Variants in BICD1 observed in about 807,000 individuals in gnomAD.
BICD1 encodes the protein BICD cargo adaptor 1.
BICD1 carries 35 observed loss-of-function variants against 92.5 expected under a neutral mutation model. The observed-to-expected ratio is 0.38, with a 90% CI of 0.29 to 0.50. BICD1 has a LOEUF of 0.50. Ranked by LOEUF, BICD1 falls within the 20% of genes least tolerant of loss-of-function variation. BICD1 has a pLI of 0.93. For missense variants in BICD1, 950 were observed against 1,189.8 expected (o/e 0.80, Z 2.97); for synonymous variants, 429 against 465.1 (o/e 0.92, Z 1.00).
chr12:32,215,885 C>T (rs1171724783), intron 1 of BICD1, among the ~76,000 whole-genome samples: 16 of 134,146 alleles, frequency 1.2e-4, no homozygotes, highest in African/African-American at 3.3e-4. Flanking sequence ...ACCCGGGAGG[C>T]GGAGCTTGCA....
chr12:32,268,442 G>A (rs573767704), intron 2 of BICD1, among the ~76,000 whole-genome samples: 11 of 152,308 alleles, frequency 7.2e-5, no homozygotes, highest in African/African-American at 2.6e-4. Context: ...CATTGGATAA[G>A]CAACTTCATT....
intron 2 of BICD1, among the ~76,000 whole-genome samples, chr12:32,230,188 C>T (rs1358393464): frequency 6.6e-6 from 1 of 151,874 alleles, no homozygotes; most frequent in Non-Finnish European, 1.5e-5. Context: ...GGAGAGTGAA[C>T]CGTAGGAGTC....
intron 1 of BICD1, among the ~76,000 whole-genome samples, chr12:32,134,046 G>T (rs975544181): frequency 2.6e-5 from 4 of 152,150 alleles, no homozygotes; most frequent in African/African-American, 9.7e-5. Flanking sequence ...CTCCCAAAGT[G>T]CTGGGATTAC....
intron 2 of BICD1, among the ~76,000 whole-genome samples, chr12:32,243,985 T>C (rs2136087945): frequency 6.6e-6 from 1 of 152,326 alleles, no homozygotes; most frequent in Non-Finnish European, 1.5e-5. Context: ...TATTACATTC[T>C]TATCCGTATT....
rs950673071 is a variant in BICD1, at chr12:32,383,019, C to T, written c.*5392C>T. The T allele has an allele frequency of 6.8e-6, 1 of 147,206 alleles. No individual in the cohort carries two copies. The highest frequency in any genetic ancestry group is 1.5e-5 in the Non-Finnish European group (1 of 65,328). The allele number at this position is 147,206 out of a possible 1,614,324, so 9.1% of individuals were successfully genotyped here. On this transcript the variant is annotated 3_prime_UTR_variant, in exon 10 of 10. Transcript: ENST00000652176. ...ATTACTATTTGAAAATCTCTTATGA[C>T]ATTTTTATAATCTACTCTGTTTTTA...
In BICD1 at chr12:32,334,649, G is replaced by A; in HGVS notation, c.2234G>A (p.Arg745Lys). The A allele has an allele frequency of 6.2e-7, 1 of 1,611,454 alleles. No individual in the cohort carries two copies. The highest frequency in any genetic ancestry group is 8.5e-7 in the Non-Finnish European group (1 of 1,179,132). ...KEDAATFSSLRAMFATRCDEY... is the reference protein window; with the variant it reads ...KEDAATFSSLKAMFATRCDEY... ...GATGCTGCAACCTTCTCATCCCTGA[G>A]AGCAATGTTTGCAACAAGGTAACAG... is the stretch of plus-strand genomic sequence containing the variant. The change falls in exon 6 of 10, where the codon AGA (arginine) becomes AAA (lysine). Residue 745 changes from arginine (R) to lysine (K), a missense_variant. By Grantham distance (26) the Arg-to-Lys change is conservative. Around this residue, in one of 5 missense-constraint regions of BICD1, gnomAD observed 309 missense variants for 499.4 expected, o/e 0.62. Transcript: ENST00000652176.
chr12:32,348,723 A>T (rs971290916), intron 8 of BICD1, among the ~76,000 whole-genome samples: 45 of 117,962 alleles, frequency 3.8e-4, no homozygotes, highest in Admixed American at 1.8e-3. Flanking sequence ...CTCACACAAA[A>T]ATATATATAT....
chr12:32,144,953 G>T (rs935246073), intron 1 of BICD1, among the ~76,000 whole-genome samples: 4 of 152,188 alleles, frequency 2.6e-5, no homozygotes, highest in Non-Finnish European at 5.9e-5. Context: ...ATGGGTAGGG[G>T]CAAGTGCTGT....
intron 8 of BICD1, among the ~76,000 whole-genome samples, chr12:32,366,599 T>C (rs1939533259): frequency 6.6e-6 from 1 of 152,226 alleles, no homozygotes; most frequent in East Asian, 1.9e-4. Context: ...TGAGCTGAGA[T>C]TGCACCATTG....
intron 2 of BICD1, among the ~76,000 whole-genome samples, chr12:32,232,876 A>G (rs1481799890): frequency 1.3e-5 from 2 of 152,136 alleles, no homozygotes; most frequent in Admixed American, 1.3e-4. Context: ...TTATTTCTGC[A>G]TTAGACAATA....
chr12:32,361,321 C>T (rs920092770), intron 8 of BICD1, among the ~76,000 whole-genome samples: 2 of 151,996 alleles, frequency 1.3e-5, no homozygotes, highest in South Asian at 2.1e-4. Flanking sequence ...TTTCAGAGGC[C>T]GGGGCGGGTA....
At chr12:32,210,606 C>T (rs1363989835) in intron 1 of BICD1, among the ~76,000 whole-genome samples, 2 of 152,090 alleles carry the variant, frequency 1.3e-5, no homozygotes, top group African/African-American at 4.8e-5. Context: ...CAAATTTGCT[C>T]CATGCAATGG....
At chr12:32,250,772 C>T (rs557942203) in intron 2 of BICD1, among the ~76,000 whole-genome samples, 10 of 152,080 alleles carry the variant, frequency 6.6e-5, no homozygotes, top group African/African-American at 2.2e-4. Flanking sequence ...TTTGAGCCTA[C>T]GAGTTCAAGA....
intron 2 of BICD1, among the ~76,000 whole-genome samples, chr12:32,242,356 CT>C (rs532538831): frequency 2.8e-4 from 42 of 151,322 alleles, no homozygotes; most frequent in Non-Finnish European, 4.6e-4. Context: ...TGAAACCAGT[CT>C]CTACTAAAAT....
At chr12:32,213,411 T>C (rs1341086477) in intron 1 of BICD1, among the ~76,000 whole-genome samples, 2 of 152,200 alleles carry the variant, frequency 1.3e-5, no homozygotes, top group African/African-American at 2.4e-5. Context: ...TGTTTTTGTT[T>C]TGGAGAAGGG....
At chr12:32,332,440 G>A in intron 5 of BICD1, 1 of 983,642 alleles carries the variant, frequency 1.0e-6, no homozygotes, top group Non-Finnish European at 1.2e-6. Flanking sequence ...ATTTACTTAA[G>A]GATTTTTTCA....
At chr12:32,314,150 C>T (rs895507620) in intron 4 of BICD1, among the ~76,000 whole-genome samples, 1 of 152,092 alleles carries the variant, frequency 6.6e-6, no homozygotes, top group Non-Finnish European at 1.5e-5. Flanking sequence ...ATGCAGATAC[C>T]ACATTTCATG....
rs565146455 is a variant in BICD1, at chr12:32,250,993, AAAG to A, written c.426+34541_426+34543del. Among the ~76,000 whole-genome samples, 297 of 152,270 alleles carry A rather than the reference AAAG, an allele frequency of 2.0e-3. 1 individual carries two copies. The highest frequency in any genetic ancestry group is 6.8e-3 in the African/African-American group (282 of 41,548). ...ACACAGTGAGACCCTGTATCAAAAA[AAAG>A]AAGAAGTATAAGGATGAAATCATAA... On this transcript the variant is annotated intron_variant, in intron 2 of 9. Coordinates refer to ENST00000652176, the MANE Select transcript of BICD1 (RefSeq NM_001714.4).
chr12:32,193,796 A>G (rs928503173), intron 1 of BICD1, among the ~76,000 whole-genome samples: 1 of 152,174 alleles, frequency 6.6e-6, no homozygotes, highest in Non-Finnish European at 1.5e-5. Context: ...ATTAACACCA[A>G]TCCTTCTCAA....
Sources: allele counts gnomAD v4.1 joint callset (sites outside exome capture counted in the v4.1 genomes callset), GRCh38; gene constraint gnomAD v4.1.1; regional missense constraint gnomAD v4.1.1; transcripts MANE v1.5; gene names NCBI Gene and HGNC (gene_info 2026-07-23, HGNC 2026-07-21).